Variants in PDE1A observed in about 807,000 individuals in gnomAD.
The protein encoded by PDE1A is dual specificity calcium/calmodulin-dependent 3',5'-cyclic nucleotide phosphodiesterase 1A.
In PDE1A, 35 loss-of-function variants were observed where a neutral mutation model predicts 61.7. That is an observed-to-expected ratio of 0.57 (90% confidence interval 0.43 to 0.75). PDE1A has a LOEUF of 0.75. Among genes scored for constraint, PDE1A ranks in the 30% least tolerant of loss-of-function variants. The pLI, the probability that PDE1A is intolerant of heterozygous loss-of-function variation, is 0.00. For missense variants in PDE1A, 597 were observed against 630.6 expected, an observed-to-expected ratio of 0.95 and a Z score of 0.57; for synonymous variants, 232 against 213.2, an observed-to-expected ratio of 1.09 and a Z score of -0.77.
At chr2:182,177,754 G>T (rs915793032) in intron 13 of PDE1A, among the ~76,000 whole-genome samples, 1 of 97,652 alleles carries the variant, frequency 1.0e-5, no homozygotes, top group Non-Finnish European at 2.2e-5. Context: ...TGTCTTTTTT[G>T]TTGCTCAGTT....
At chr2:182,585,664 G>A in the PDE1A span, among the ~76,000 whole-genome samples, 440 of 152,212 alleles carry the variant, frequency 2.9e-3, no homozygotes, top group African/African-American at 9.8e-3. Flanking sequence ...AAAACAAGAA[G>A]GGCAATATCT....
intron 13 of PDE1A, among the ~76,000 whole-genome samples, chr2:182,177,664 C>G (rs1340052006): frequency 6.6e-6 from 1 of 151,976 alleles, no homozygotes; most frequent in African/African-American, 2.4e-5. Context: ...GTTACTGTAG[C>G]CTTGTAGTAT....
chr2:182,578,119 C>G, the PDE1A span, among the ~76,000 whole-genome samples: 1 of 152,148 alleles, frequency 6.6e-6, no homozygotes, highest in Non-Finnish European at 1.5e-5. Flanking sequence ...GAGCTTTGGT[C>G]TAGAAGAAGC....
intron 2 of PDE1A, among the ~76,000 whole-genome samples, chr2:182,247,005 T>C (rs1291341292): frequency 2.0e-5 from 3 of 152,188 alleles, no homozygotes; most frequent in African/African-American, 4.8e-5. Context: ...ATGGAAATGG[T>C]AGAAGTTTTA....
intron 2 of PDE1A, among the ~76,000 whole-genome samples, chr2:182,483,100 A>C (rs1421743018): frequency 6.6e-6 from 1 of 151,994 alleles, no homozygotes; most frequent in Non-Finnish European, 1.5e-5. Flanking sequence ...AGGATCATTC[A>C]TAATGGTCAG....
Position 182,254,490 on chromosome 2 carries a change from C to T in PDE1A, c.167+9811G>A, listed in dbSNP as rs13400536. Among the ~76,000 whole-genome samples the T allele has an allele frequency of 4.6e-3, 697 of 152,302 alleles. 4 individuals carry two copies. The highest frequency in any genetic ancestry group is 0.016 in the African/African-American group (661 of 41,576). On this transcript the variant is annotated intron_variant, in intron 2 of 13. Coordinates refer to ENST00000351439, the Ensembl canonical transcript of PDE1A. ...AATTTGAAGAATACAAGAGCCCATA[C>T]TTATAAATGCTAAGCAAATGATAAG...
intron 1 of PDE1A, among the ~76,000 whole-genome samples, chr2:182,348,465 G>T (rs1049551011): frequency 6.6e-6 from 1 of 152,040 alleles, no homozygotes; most frequent in Non-Finnish European, 1.5e-5. Context: ...TCACCTAACA[G>T]GAAGGCCATA....
chr2:182,706,042 T>C, the PDE1A span, among the ~76,000 whole-genome samples: 10 of 152,182 alleles, frequency 6.6e-5, no homozygotes, highest in Non-Finnish European at 1.5e-4. Context: ...TTAAAACCTT[T>C]AAATGGAGAA....
At chr2:182,712,537 T>A in the PDE1A span, among the ~76,000 whole-genome samples, 1 of 152,198 alleles carries the variant, frequency 6.6e-6, no homozygotes, top group Non-Finnish European at 1.5e-5. Flanking sequence ...AACATTCTTG[T>A]AACTTTGAAA....
chr2:182,450,999 A>C, intron 2 of PDE1A, among the ~76,000 whole-genome samples: 1 of 151,998 alleles, frequency 6.6e-6, no homozygotes, highest in East Asian at 2.0e-4. Flanking sequence ...CCATTGAAGT[A>C]AGTGAAAGTT....
chr2:182,527,522 C>A (rs999709318), upstream of PDE1A, among the ~76,000 whole-genome samples: 2 of 149,510 alleles, frequency 1.3e-5, no homozygotes, highest in African/African-American at 2.5e-5. Flanking sequence ...CATGCCACTG[C>A]ACTCCAGCAT....
intron 1 of PDE1A, among the ~76,000 whole-genome samples, chr2:182,348,439 T>C (rs553449395): frequency 1.3e-5 from 2 of 152,202 alleles, no homozygotes; most frequent in South Asian, 2.1e-4. Context: ...CCATTACTTA[T>C]AGGAATCAGC....
chr2:182,503,484 A>G (rs1375115394), intron 2 of PDE1A, among the ~76,000 whole-genome samples: 1 of 151,892 alleles, frequency 6.6e-6, no homozygotes, highest in Non-Finnish European at 1.5e-5. Context: ...ATCTCTCCAC[A>G]TTCAATTATT....
intron 2 of PDE1A, among the ~76,000 whole-genome samples, chr2:182,507,973 T>C (rs578050146): frequency 7.2e-5 from 11 of 152,318 alleles, no homozygotes; most frequent in Middle Eastern, 3.4e-3. Flanking sequence ...TAAGATTATT[T>C]TTCTGAAATA....
intron 2 of PDE1A, among the ~76,000 whole-genome samples, chr2:182,260,898 A>G (rs1692175518): frequency 6.6e-6 from 1 of 152,136 alleles, no homozygotes; most frequent in Admixed American, 6.6e-5. Flanking sequence ...TCAGACTGCC[A>G]AGGCCCTAAT....
intron 2 of PDE1A, among the ~76,000 whole-genome samples, chr2:182,242,912 CTCTCTCTCTCT>C (rs1690655294): frequency 3.2e-5 from 2 of 62,890 alleles, no homozygotes; most frequent in Non-Finnish European, 6.9e-5. Context: ...CTCTCTCTCT[CTCTCTCTCTCT>C]CTCGTGTGTG....
chr2:182,180,232 T>C (rs1037109870), intron 13 of PDE1A, among the ~76,000 whole-genome samples: 1 of 152,190 alleles, frequency 6.6e-6, no homozygotes, highest in Admixed American at 6.5e-5. Context: ...ATAAATGAAT[T>C]ATAGATACAT....
At chr2:182,172,173 T>C (rs745665041) in intron 13 of PDE1A, among the ~76,000 whole-genome samples, 6 of 152,044 alleles carry the variant, frequency 3.9e-5, no homozygotes, top group Non-Finnish European at 8.8e-5. Flanking sequence ...TGGGTAATAC[T>C]ATTTCATTTA....
At chr2:182,190,538 T>C (rs1302047185) in intron 10 of PDE1A, among the ~76,000 whole-genome samples, 1 of 152,202 alleles carries the variant, frequency 6.6e-6, no homozygotes, top group African/African-American at 2.4e-5. Context: ...GTGATCTTGA[T>C]TTACTTGTTT....
Sources: allele counts gnomAD v4.1 joint callset (sites outside exome capture counted in the v4.1 genomes callset), GRCh38; gene constraint gnomAD v4.1.1; transcripts MANE v1.5; gene names NCBI Gene and HGNC (gene_info 2026-07-23, HGNC 2026-07-21).